Variants in PLD5 observed in about 807,000 individuals in gnomAD.
The protein encoded by PLD5 is phospholipase D family member 5.
Under a neutral mutation model 61.1 loss-of-function variants are expected in PLD5, and 36 were observed. The observed-to-expected ratio is 0.59, with a 90% CI of 0.45 to 0.78. PLD5 has a LOEUF of 0.78. PLD5 is among the 30% of genes least tolerant of loss of function. PLD5 has a pLI of 0.00. For missense variants in PLD5, 515 were observed against 644.4 expected, an observed-to-expected ratio of 0.80 and a Z score of 2.17; for synonymous variants, 243 against 242.8, an observed-to-expected ratio of 1.00 and a Z score of -0.01.
intron 5 of PLD5, among the ~76,000 whole-genome samples, chr1:242,170,766 G>GTAT (rs1291072734): frequency 6.6e-6 from 1 of 152,124 alleles, no homozygotes; most frequent in African/African-American, 2.4e-5. Context: ...GCATACATGA[G>GTAT]TATTAGTAGC....
intron 2 of PLD5, among the ~76,000 whole-genome samples, chr1:242,342,248 G>A (rs1206556824): frequency 6.6e-6 from 1 of 152,200 alleles, no homozygotes; most frequent in Non-Finnish European, 1.5e-5. Flanking sequence ...AATAAGTGGT[G>A]GAGTAGCAAC....
At chr1:242,484,854 A>G (rs150974885) in intron 1 of PLD5, among the ~76,000 whole-genome samples, 6,584 of 152,318 alleles carry the variant, frequency 0.043, 224 homozygotes, top group Middle Eastern at 0.061. Context: ...CAAAAAGCTT[A>G]TCCACCATGA....
chr1:242,089,046 G>A lies in PLD5; in HGVS notation c.*808C>T, dbSNP rs961606777. On this transcript the variant is annotated 3_prime_UTR_variant, in exon 10 of 10. Transcript: ENST00000536534. ...TAGCAGGTGGCTACATAATTTTTCTGAGCTTGAGAGAAAGGATACATATTG... is the reference window on the plus strand; with the variant it reads ...TAGCAGGTGGCTACATAATTTTTCTAAGCTTGAGAGAAAGGATACATATTG... 6.1e-6 allele frequency: 2 copies of A among 327,640 alleles called. No homozygotes were observed. The highest frequency in any genetic ancestry group is 4.2e-5 in the African/African-American group (2 of 47,200). The allele number at this position is 327,640 out of a possible 1,614,324, so 20.3% of individuals were successfully genotyped here.
At chr1:242,368,552 C>T (rs1661463852) in intron 1 of PLD5, among the ~76,000 whole-genome samples, 1 of 152,180 alleles carries the variant, frequency 6.6e-6, no homozygotes, top group South Asian at 2.1e-4. Context: ...GTCTGATCTA[C>T]ATAGGGCATG....
chr1:242,376,120 G>A (rs1485563363), intron 1 of PLD5, among the ~76,000 whole-genome samples: 1 of 152,108 alleles, frequency 6.6e-6, no homozygotes, highest in African/African-American at 2.4e-5. Flanking sequence ...CAGCCCTTTC[G>A]TTACTTTCCC....
At position 242,084,414 on chromosome 1, in the gene PLD5, T is replaced by A. The variant is rs955813665; in HGVS notation, c.*5440A>T. 2 of 152,114 alleles carry A rather than the reference T, an allele frequency of 1.3e-5. No individual in the cohort carries two copies. The highest frequency in any genetic ancestry group is 4.8e-5 in the African/African-American group (2 of 41,434). The allele number at this position is 152,114 out of a possible 1,614,324, so 9.4% of individuals were successfully genotyped here. A position where few individuals can be genotyped will look rare whatever the true frequency, so the allele number is the denominator to read the frequency against. On this transcript the variant is annotated 3_prime_UTR_variant, in exon 10 of 10. Coordinates refer to ENST00000536534, the MANE Select transcript of PLD5 (RefSeq NM_001372062.1). Reference sequence around the variant, plus strand: ...AGACTGCCTCAAATCCAAATTACTTTAGTAAATCAACAAAATTTTATCCTG... The same window carrying A: ...AGACTGCCTCAAATCCAAATTACTTAAGTAAATCAACAAAATTTTATCCTG...
At chr1:242,305,842 T>C (rs1289100145) in intron 2 of PLD5, among the ~76,000 whole-genome samples, 1 of 152,146 alleles carries the variant, frequency 6.6e-6, no homozygotes, top group Non-Finnish European at 1.5e-5. Flanking sequence ...CATTTCTATA[T>C]AGTATTTTGT....
At chr1:242,394,737 T>TATATATGTGAACATATATGTGC (rs1663319459) in intron 1 of PLD5, among the ~76,000 whole-genome samples, 1 of 72,574 alleles carries the variant, frequency 1.4e-5, no homozygotes, top group Non-Finnish European at 2.4e-5. Context: ...CATATATGTG[T>TATATATGTGAACATATATGTGC]ATATATGTGA....
intron 3 of PLD5, among the ~76,000 whole-genome samples, chr1:242,272,583 T>C (rs1674155610): frequency 6.6e-6 from 1 of 152,162 alleles, no homozygotes; most frequent in Non-Finnish European, 1.5e-5. Context: ...ACAAATCATT[T>C]ACATGTTTTG....
chr1:242,252,482 G>GCGGGAGGA (rs1201612199), intron 4 of PLD5, among the ~76,000 whole-genome samples: 1 of 152,210 alleles, frequency 6.6e-6, no homozygotes, highest in East Asian at 1.9e-4. Context: ...GGAGGCCAAG[G>GCGGGAGGA]TGGGAGGATG....
intron 5 of PLD5, among the ~76,000 whole-genome samples, chr1:242,137,521 T>C (rs1026576462): frequency 3.3e-5 from 5 of 152,200 alleles, no homozygotes; most frequent in Admixed American, 3.3e-4. Flanking sequence ...AGGGATATCC[T>C]ATTTGGAACC....
At chr1:242,341,061 T>C (rs1195652477) in intron 2 of PLD5, among the ~76,000 whole-genome samples, 5 of 152,142 alleles carry the variant, frequency 3.3e-5, no homozygotes, top group Non-Finnish European at 5.9e-5. Flanking sequence ...GACAATACCA[T>C]GTCTCAAAGC....
Position 242,382,640 on chromosome 1 carries a change from A to G in PLD5, c.190-34398T>C, listed in dbSNP as rs1054862025. On this transcript the variant is annotated intron_variant, in intron 1 of 9. Coordinates refer to ENST00000536534, the MANE Select transcript of PLD5 (RefSeq NM_001372062.1). The stretch of plus-strand genomic sequence containing the variant: ...AAGCATTTTTACTGGTGTGGTAAGG[A>G]AGGTTGGAGAAGCACTGAACAATGA... 4.3e-4 allele frequency among the ~76,000 whole-genome samples: 65 copies of G among 152,298 alleles called. 1 individual carries two copies. The highest frequency in any genetic ancestry group is 7.2e-5 in the African/African-American group (3 of 41,570).
intron 1 of PLD5, among the ~76,000 whole-genome samples, chr1:242,440,487 T>G (rs1666222184): frequency 6.6e-6 from 1 of 152,158 alleles, no homozygotes; most frequent in South Asian, 2.1e-4. Context: ...TTCACATGAG[T>G]CTGACTGTAT....
intron 8 of PLD5, among the ~76,000 whole-genome samples, chr1:242,103,006 A>C (rs1178498386): frequency 1.3e-5 from 2 of 152,220 alleles, no homozygotes; most frequent in African/African-American, 4.8e-5. Flanking sequence ...TTTTGACTGC[A>C]GGTGCCCTAG....
At chr1:242,379,429 T>TG (rs1196958163) in intron 1 of PLD5, among the ~76,000 whole-genome samples, 2 of 152,076 alleles carry the variant, frequency 1.3e-5, no homozygotes, top group African/African-American at 2.4e-5. Flanking sequence ...AATTTGGGAA[T>TG]GGGGGCACCA....
rs139603901 is a variant in PLD5, at chr1:242,515,455, C to T, written c.189+8633G>A. 2.0e-4 allele frequency among the ~76,000 whole-genome samples: 30 copies of T among 152,288 alleles called. No individual in the cohort carries two copies. The East Asian group carries it at 5.8e-3, about 29-fold the overall frequency. On this transcript the variant is annotated intron_variant, in intron 1 of 9. Coordinates refer to ENST00000536534, the MANE Select transcript of PLD5 (RefSeq NM_001372062.1). ...CTCAAACTGCTGACCTCAGGTGATCCACCTACCTCGGCCTCCCAAAGTGCT... is the reference window on the plus strand; with the variant it reads ...CTCAAACTGCTGACCTCAGGTGATCTACCTACCTCGGCCTCCCAAAGTGCT...
intron 1 of PLD5, among the ~76,000 whole-genome samples, chr1:242,495,228 G>C (rs2654851): frequency 0.44 from 66,338 of 151,152 alleles, 14,842 homozygotes; most frequent in East Asian, 0.63. Context: ...CCCAACCAGT[G>C]CCCAGCTGGG....
intron 5 of PLD5, among the ~76,000 whole-genome samples, chr1:242,143,551 AG>A (rs1664329259): frequency 6.6e-6 from 1 of 152,238 alleles, no homozygotes; most frequent in Non-Finnish European, 1.5e-5. Context: ...CAGAGTCAGG[AG>A]GACATTCCCA....
Sources: allele counts gnomAD v4.1 joint callset (sites outside exome capture counted in the v4.1 genomes callset), GRCh38; gene constraint gnomAD v4.1.1; transcripts MANE v1.5; gene names NCBI Gene and HGNC (gene_info 2026-07-23, HGNC 2026-07-21).